CNTNAP5: variants seen among roughly 807,000 people sequenced by gnomAD.
CNTNAP5 encodes contactin associated protein family member 5, also known as contactin-associated protein-like 5.
A neutral mutation model predicts 150.2 loss-of-function variants in CNTNAP5; 72 were observed. The observed-to-expected ratio is 0.48, with a 90% CI of 0.40 to 0.58. The LOEUF is 0.58. Ranked by LOEUF, CNTNAP5 falls within the 20% of genes least tolerant of loss-of-function variation. CNTNAP5 has a pLI of 0.00. For missense variants in CNTNAP5, 1,636 were observed against 1,626.2 expected, an observed-to-expected ratio of 1.01 and a Z score of -0.10; for synonymous variants, 672 against 619.8, an observed-to-expected ratio of 1.08 and a Z score of -1.25.
intron 1 of CNTNAP5, among the ~76,000 whole-genome samples, chr2:124,108,863 C>T (rs1324168242): frequency 6.6e-6 from 1 of 152,140 alleles, no homozygotes; most frequent in African/African-American, 2.4e-5. Flanking sequence ...TTATAAGGCT[C>T]ATGTGTGCTC....
intron 13 of CNTNAP5, among the ~76,000 whole-genome samples, chr2:124,676,346 T>G (rs1678939782): frequency 6.6e-6 from 1 of 152,204 alleles, no homozygotes; most frequent in South Asian, 2.1e-4. Context: ...CACATGTGCA[T>G]AGCCCTTCAG....
intron 5 of CNTNAP5, among the ~76,000 whole-genome samples, chr2:124,439,628 G>T (rs1183169198): frequency 6.6e-6 from 1 of 152,100 alleles, no homozygotes; most frequent in African/African-American, 2.4e-5. Flanking sequence ...GAGAAACATA[G>T]AGACTTGCTC....
chr2:124,592,604 A>G (rs1182037975), intron 11 of CNTNAP5, among the ~76,000 whole-genome samples: 1 of 152,092 alleles, frequency 6.6e-6, no homozygotes, highest in East Asian at 1.9e-4. Context: ...ATTAGCAATG[A>G]TCCAAAAGAT....
chr2:124,512,701 G>C (rs761958003), intron 8 of CNTNAP5, among the ~76,000 whole-genome samples: 1 of 152,134 alleles, frequency 6.6e-6, no homozygotes, highest in African/African-American at 2.4e-5. Context: ...GTATTAGTTA[G>C]AGATAAGGTA....
In CNTNAP5 at chr2:124,459,192, C is replaced by G. The variant is rs535921994; in HGVS notation, c.918+12255C>G. 2.0e-5 allele frequency among the ~76,000 whole-genome samples: 3 copies of G among 152,314 alleles called. No homozygotes were observed. The South Asian group carries it at 6.2e-4, about 32-fold the overall frequency. ...CCCTGCATGGGAACAGCTTTGCTCA[C>G]GGTGCTCCTTGCAGGTACCCAGAGT... On this transcript the variant is annotated intron_variant, in intron 6 of 23. Transcript: ENST00000682447.
intron 11 of CNTNAP5, among the ~76,000 whole-genome samples, chr2:124,586,392 C>G (rs1043994231): frequency 3.9e-5 from 6 of 152,188 alleles, no homozygotes; most frequent in Non-Finnish European, 7.3e-5. Flanking sequence ...GACAGCTTAG[C>G]TACTATCCAG....
chr2:124,462,888 C>T (rs568061417), intron 6 of CNTNAP5, among the ~76,000 whole-genome samples: 2 of 152,252 alleles, frequency 1.3e-5, no homozygotes, highest in South Asian at 4.1e-4. Context: ...TCTGCCCACA[C>T]TGCAAACAGC....
At chr2:124,270,384 T>C (rs992852068) in intron 3 of CNTNAP5, among the ~76,000 whole-genome samples, 3 of 152,146 alleles carry the variant, frequency 2.0e-5, no homozygotes, top group African/African-American at 7.2e-5. Flanking sequence ...TTAGCAGTGA[T>C]TCTGCATAAA....
chr2:124,327,726 C>T (rs1245465494), intron 3 of CNTNAP5, among the ~76,000 whole-genome samples: 3 of 152,144 alleles, frequency 2.0e-5, no homozygotes, highest in East Asian at 1.9e-4. Context: ...AAGGCCCCTT[C>T]CCCTTTGAGT....
intron 7 of CNTNAP5, among the ~76,000 whole-genome samples, chr2:124,483,875 C>G (rs1267524233): frequency 6.6e-6 from 1 of 152,246 alleles, no homozygotes; most frequent in Non-Finnish European, 1.5e-5. Flanking sequence ...CCTTGGCCAT[C>G]TCCTCCGAAC....
chr2:124,739,666 G>A (rs1007569446), intron 13 of CNTNAP5, among the ~76,000 whole-genome samples: 7 of 152,064 alleles, frequency 4.6e-5, no homozygotes, highest in East Asian at 1.9e-4. Context: ...AGACGACTGC[G>A]GTGAAAATCA....
intron 3 of CNTNAP5, among the ~76,000 whole-genome samples, chr2:124,306,570 G>C (rs1295483349): frequency 1.3e-5 from 2 of 152,140 alleles, no homozygotes; most frequent in Admixed American, 1.3e-4. Context: ...GATGGCATGA[G>C]CTAACAGTGT....
At chr2:124,620,178 G>T (rs181403646) in intron 12 of CNTNAP5, among the ~76,000 whole-genome samples, 11 of 151,980 alleles carry the variant, frequency 7.2e-5, no homozygotes, top group African/African-American at 2.7e-4. Flanking sequence ...ATACACACTT[G>T]AATGAGTCTA....
intron 3 of CNTNAP5, among the ~76,000 whole-genome samples, chr2:124,407,819 A>C (rs914011395): frequency 6.6e-6 from 1 of 152,144 alleles, no homozygotes; most frequent in Non-Finnish European, 1.5e-5. Flanking sequence ...ATTGAAGACA[A>C]TTGTGTTTCT....
chr2:124,430,480 A>G (rs1263628747), intron 4 of CNTNAP5, among the ~76,000 whole-genome samples: 1 of 152,222 alleles, frequency 6.6e-6, no homozygotes, highest in African/African-American at 2.4e-5. Context: ...CACATACACT[A>G]AAATCACAGC....
rs1052033578 is a variant in CNTNAP5 at position 124,572,210 on chromosome 2, A to G, written c.1756+8887A>G. Among the ~76,000 whole-genome samples the G allele has an allele frequency of 2.6e-5, 4 of 152,060 alleles. No homozygotes were observed. The South Asian group carries it at 8.3e-4, about 32-fold the overall frequency. ...CAATTGAGTGCACAGGACTGCCTGT[A>G]AGGGGGAATGCTTCTTCTGGGAGGG... On this transcript the variant is annotated intron_variant, in intron 11 of 23. Coordinates refer to ENST00000682447, the MANE Select transcript of CNTNAP5 (RefSeq NM_001367498.1).
intron 2 of CNTNAP5, among the ~76,000 whole-genome samples, chr2:124,235,487 GT>G (rs138066396): frequency 0.074 from 11,274 of 152,040 alleles, 585 homozygotes; most frequent in Non-Finnish European, 0.11. Context: ...ACCTGACCAA[GT>G]TGGTGTATAA....
intron 16 of CNTNAP5, among the ~76,000 whole-genome samples, chr2:124,770,736 T>C (rs2104608760): frequency 6.6e-6 from 1 of 152,328 alleles, no homozygotes; most frequent in East Asian, 1.9e-4. Flanking sequence ...GGCATGAATT[T>C]GTCACCTGAA....
Position 124,087,616 on chromosome 2 carries a change from G to C in CNTNAP5, c.82+61884G>C, listed in dbSNP as rs186761914. On this transcript the variant is annotated intron_variant, in intron 1 of 23. Transcript: ENST00000682447. ...GTGGGCCTGTAGTCCTAGCTACTAGGGAGGCTGAGGCAGGAGAATTGCTTG... is the reference window on the plus strand; with the variant it reads ...GTGGGCCTGTAGTCCTAGCTACTAGCGAGGCTGAGGCAGGAGAATTGCTTG... 7.9e-5 allele frequency among the ~76,000 whole-genome samples: 12 copies of C among 151,900 alleles called. No individual in the cohort carries two copies. The East Asian group carries it at 1.9e-3, about 25-fold the overall frequency.
Sources: gnomAD v4.1 joint callset for allele counts (sites outside exome capture counted in the v4.1 genomes callset) on GRCh38, gnomAD v4.1.1 for gene constraint, MANE v1.5 for transcripts, NCBI Gene and HGNC (gene_info 2026-07-23, HGNC 2026-07-21) for gene names.